Variants in CDH4 observed in about 807,000 individuals in gnomAD.
CDH4 encodes the protein cadherin 4, also known as cadherin-4.
CDH4 carries 33 observed loss-of-function variants against 86.0 expected under a neutral mutation model. That is an observed-to-expected ratio of 0.38 (90% CI 0.29 to 0.51). The LOEUF (loss-of-function observed/expected upper bound fraction) is 0.51, where lower values mean the gene tolerates loss of function less well. Among genes scored for constraint, CDH4 ranks in the 20% least tolerant of loss-of-function variants. The pLI, the probability that CDH4 is intolerant of heterozygous loss-of-function variation, is 0.86. For missense variants in CDH4, 1,114 were observed against 1,307.4 expected (o/e 0.85, Z 2.28); for synonymous variants, 555 against 549.4 (o/e 1.01, Z -0.14).
chr20:61,622,111 A>T (rs899457147), intron 2 of CDH4, among the ~76,000 whole-genome samples: 28 of 152,202 alleles, frequency 1.8e-4, no homozygotes, highest in Non-Finnish European at 1.5e-5. Context: ...AATGCCAGGG[A>T]TATCATCCAG....
intron 8 of CDH4, among the ~76,000 whole-genome samples, chr20:61,901,220 A>G (rs75772539): frequency 1.1e-3 from 33 of 29,700 alleles, no homozygotes; most frequent in Middle Eastern, 0.019. Context: ...GAGCAGGAGG[A>G]GTAGGGGCAG....
intron 2 of CDH4, among the ~76,000 whole-genome samples, chr20:61,421,143 G>T (rs1197718631): frequency 6.6e-6 from 1 of 152,218 alleles, no homozygotes; most frequent in Non-Finnish European, 1.5e-5. Flanking sequence ...TTTCCGTGGG[G>T]ACCCTGGCTG....
intron 2 of CDH4, among the ~76,000 whole-genome samples, chr20:61,523,694 G>T (rs753227859): frequency 3.3e-5 from 5 of 152,206 alleles, no homozygotes; most frequent in Non-Finnish European, 7.3e-5. Context: ...GGCACCACAC[G>T]CTTCCGCCGC....
At position 61,323,222 on chromosome 20, in the gene CDH4, C is replaced by T. The variant is rs150752626; in HGVS notation, c.169+68285C>T. 8.5e-3 allele frequency among the ~76,000 whole-genome samples: 1,289 copies of T among 152,302 alleles called. 9 individuals carry two copies. The highest frequency in any genetic ancestry group is 0.015 in the African/African-American group (632 of 41,572). Reference sequence around the variant, plus strand: ...AGTGTGCACCTAGAGGACTTCTCTTCGTTAGGAGTGATTGCCACTAGCTGC... The same window carrying T: ...AGTGTGCACCTAGAGGACTTCTCTTTGTTAGGAGTGATTGCCACTAGCTGC... On this transcript the variant is annotated intron_variant, in intron 2 of 15. Coordinates refer to ENST00000614565, the MANE Select transcript of CDH4 (RefSeq NM_001794.5).
chr20:61,326,113 G>A (rs1012473812), intron 2 of CDH4, among the ~76,000 whole-genome samples: 2 of 152,208 alleles, frequency 1.3e-5, no homozygotes, highest in African/African-American at 4.8e-5. Flanking sequence ...CAAATAGAGT[G>A]GAGGATGGAG....
At chr20:61,449,298 G>A (rs1405122726) in intron 2 of CDH4, among the ~76,000 whole-genome samples, 2 of 152,246 alleles carry the variant, frequency 1.3e-5, no homozygotes, top group East Asian at 1.9e-4. Flanking sequence ...TAGGCCAGCT[G>A]CCATTGGACC....
chr20:61,936,144 A>T (rs1250455249), intron 15 of CDH4, among the ~76,000 whole-genome samples: 3 of 151,628 alleles, frequency 2.0e-5, no homozygotes, highest in Admixed American at 2.0e-4. Context: ...ACTTCTGTCC[A>T]CCCTAGGTCC....
chr20:61,896,366 C>T (rs780036126), intron 8 of CDH4, among the ~76,000 whole-genome samples: 1 of 152,244 alleles, frequency 6.6e-6, no homozygotes, highest in Non-Finnish European at 1.5e-5. Flanking sequence ...CAGCGGCCGT[C>T]CCGCATCTGG....
intron 2 of CDH4, among the ~76,000 whole-genome samples, chr20:61,585,054 G>A (rs1002865272): frequency 3.9e-5 from 6 of 152,190 alleles, no homozygotes; most frequent in Non-Finnish European, 7.3e-5. Context: ...GCTTCCCTCC[G>A]CTTCTCCACC....
At chr20:61,874,504 T>C (rs911269680) in intron 7 of CDH4, among the ~76,000 whole-genome samples, 2 of 152,106 alleles carry the variant, frequency 1.3e-5, no homozygotes. Flanking sequence ...TCATCTCAAG[T>C]GCCCGCCCCA....
intron 2 of CDH4, among the ~76,000 whole-genome samples, chr20:61,290,609 T>G (rs1026085756): frequency 6.6e-6 from 1 of 152,222 alleles, no homozygotes; most frequent in African/African-American, 2.4e-5. Context: ...TCCTTGCAGA[T>G]GGCATGGGCA....
intron 12 of CDH4, 122 bp downstream of exon 12, chr20:61,928,545 CCCA>C: frequency 1.3e-6 from 1 of 798,796 alleles, no homozygotes; most frequent in Non-Finnish European, 2.0e-6. Flanking sequence ...ACAGGACTGT[CCCA>C]CCAAGGCTGG....
chr20:61,375,825 G>A (rs111428510), intron 2 of CDH4, among the ~76,000 whole-genome samples: 4 of 117,386 alleles, frequency 3.4e-5, no homozygotes, highest in Non-Finnish European at 5.5e-5. Context: ...TGATGGTCTT[G>A]GTGGTGGTGA....
chr20:61,798,395 G>GACCC (rs1979658114), intron 4 of CDH4, among the ~76,000 whole-genome samples: 1 of 152,228 alleles, frequency 6.6e-6, no homozygotes, highest in African/African-American at 2.4e-5. Flanking sequence ...TCCTCAGCCC[G>GACCC]TCCGGACCCT....
chr20:61,534,661 C>CTTTTTTTTTTTTTTTT lies in CDH4; in HGVS notation c.170-208899_170-208898insTTTTTTTTTTTTTTTT. 2.2e-5 allele frequency among the ~76,000 whole-genome samples: 2 copies of CTTTTTTTTTTTTTTTT among 89,304 alleles called. 1 individual carries two copies. Among genetic ancestry groups the CTTTTTTTTTTTTTTTT allele is most frequent in the African/African-American group, 1.5e-4 (2 of 13,180 alleles). The allele number at this position is 89,304 out of a possible 152,430, so 58.6% of individuals were successfully genotyped here. A position where few individuals can be genotyped will look rare whatever the true frequency, so the allele number is the denominator to read the frequency against. ...TTTTCTTTCTTTCTTTTCTTTCTTTCTTTCTTTTTTTTTTTTTTTTTTTTT... is the reference window on the plus strand; with the variant it reads ...TTTTCTTTCTTTCTTTTCTTTCTTTCTTTTTTTTTTTTTTTTTTTCTTTTTTTTTTTTTTTTTTTTT... On this transcript the variant is annotated intron_variant, in intron 2 of 15. Transcript: ENST00000614565.
chr20:61,429,250 C>G (rs545837169), intron 2 of CDH4, among the ~76,000 whole-genome samples: 1 of 152,316 alleles, frequency 6.6e-6, no homozygotes, highest in South Asian at 2.1e-4. Flanking sequence ...AGATCAGACA[C>G]ATTTGAAACT....
In CDH4 at chr20:61,879,951, A is replaced by G. The variant is rs1156603333; in HGVS notation, c.1050+6051A>G. ...ATTTCTTCCCAAACAAGGGGGGCCG[A>G]ATTCGTGATCTCCTGGTCTGAAAGG... On this transcript the variant is annotated intron_variant, in intron 7 of 15. Transcript: ENST00000614565. The surrounding 1 kb of genome is among the most constrained non-coding windows in gnomAD (Gnocchi z 4.1). Among the ~76,000 whole-genome samples the G allele has an allele frequency of 1.3e-5, 2 of 152,106 alleles. No individual in the cohort carries two copies. The highest frequency in any genetic ancestry group is 2.1e-4 in the South Asian group (1 of 4,824).
intron 2 of CDH4, among the ~76,000 whole-genome samples, chr20:61,665,535 C>G (rs1421881137): frequency 6.6e-6 from 1 of 152,178 alleles, no homozygotes; most frequent in Non-Finnish European, 1.5e-5. Context: ...TTCGGAGAGC[C>G]GAGGTCCCCG....
intron 2 of CDH4, chr20:61,740,373 G>T (rs549204262): frequency 2.0e-5 from 3 of 152,322 alleles, no homozygotes; most frequent in East Asian, 3.9e-4. Flanking sequence ...TCTGGGTTGT[G>T]TTCATAGGTA....
Sources: allele counts gnomAD v4.1 joint callset (sites outside exome capture counted in the v4.1 genomes callset), GRCh38; gene constraint gnomAD v4.1.1; non-coding constraint Gnocchi (gnomAD v3.1); transcripts MANE v1.5; gene names NCBI Gene and HGNC (gene_info 2026-07-23, HGNC 2026-07-21).